The following GALNT13 variants were observed in gnomAD, a reference collection of about 807,000 sequenced individuals.
The protein encoded by GALNT13 is polypeptide N-acetylgalactosaminyltransferase 13.
Under a neutral mutation model 64.2 loss-of-function variants are expected in GALNT13, and 28 were observed. That is an observed-to-expected ratio of 0.44 (90% CI 0.32 to 0.60). The LOEUF is 0.60. Ranked by LOEUF, GALNT13 falls within the 20% of genes least tolerant of loss-of-function variation. GALNT13 has a pLI of 0.05. For missense variants in GALNT13, 577 were observed against 669.8 expected, an observed-to-expected ratio of 0.86 and a Z score of 1.53; for synonymous variants, 214 against 224.6, an observed-to-expected ratio of 0.95 and a Z score of 0.42.
At chr2:154,407,531 G>A (rs990908840) in intron 10 of GALNT13, among the ~76,000 whole-genome samples, 2 of 151,984 alleles carry the variant, frequency 1.3e-5, no homozygotes, top group African/African-American at 4.8e-5. Flanking sequence ...TTGCCTATAG[G>A]TTCAATCCCT....
intron 4 of GALNT13, among the ~76,000 whole-genome samples, chr2:154,143,395 A>T (rs1175749460): frequency 2.6e-5 from 4 of 152,056 alleles, no homozygotes; most frequent in African/African-American, 9.7e-5. Context: ...AGTGGCTATG[A>T]TACTTATATA....
At chr2:153,443,989 C>T in the GALNT13 span, among the ~76,000 whole-genome samples, 130 of 152,200 alleles carry the variant, frequency 8.5e-4, 1 homozygote, top group African/African-American at 2.9e-3. Flanking sequence ...TTCTTGTGCT[C>T]TATAATAATC....
At chr2:154,325,135 A>G (rs1254651746) in intron 9 of GALNT13, among the ~76,000 whole-genome samples, 1 of 151,688 alleles carries the variant, frequency 6.6e-6, no homozygotes, top group East Asian at 1.9e-4. Flanking sequence ...CTCAGTGAGA[A>G]AGTAAAAAAA....
the GALNT13 span, among the ~76,000 whole-genome samples, chr2:153,380,002 C>G: frequency 1.3e-5 from 2 of 151,984 alleles, no homozygotes; most frequent in Admixed American, 1.3e-4. Context: ...CTAGAGGAAG[C>G]AATATTTCAA....
intron 3 of GALNT13, among the ~76,000 whole-genome samples, chr2:154,054,620 C>CTG (rs1699808021): frequency 6.6e-6 from 1 of 151,838 alleles, no homozygotes; most frequent in Admixed American, 6.6e-5. Context: ...TTATATTTTT[C>CTG]TGTGTAAATA....
chr2:154,413,313 C>T (rs1699872805), intron 11 of GALNT13, among the ~76,000 whole-genome samples: 1 of 151,924 alleles, frequency 6.6e-6, no homozygotes. Context: ...CAAATCCCAA[C>T]ACTTCTATGG....
chr2:154,418,571 CCCCAGA>C (rs1700124702), intron 11 of GALNT13, among the ~76,000 whole-genome samples: 1 of 152,128 alleles, frequency 6.6e-6, no homozygotes, highest in South Asian at 2.1e-4. Flanking sequence ...CTAGATTTTC[CCCCAGA>C]CCCTCTGGAG....
chr2:153,472,410 T>C, the GALNT13 span, among the ~76,000 whole-genome samples: 23 of 152,162 alleles, frequency 1.5e-4, no homozygotes, highest in African/African-American at 5.5e-4. Context: ...GTGGGTAGAG[T>C]ATATACCTTC....
chr2:153,971,241 A>G (rs1693717225), intron 3 of GALNT13, among the ~76,000 whole-genome samples: 1 of 152,062 alleles, frequency 6.6e-6, no homozygotes, highest in African/African-American at 2.4e-5. Flanking sequence ...TGGCCACACT[A>G]TTTGAAAAGG....
rs142255175 is a variant in GALNT13 at position 154,079,659 on chromosome 2, C to T, written c.143-60678C>T. 1.2e-4 allele frequency among the ~76,000 whole-genome samples: 18 copies of T among 151,494 alleles called. No individual in the cohort carries two copies. In the East Asian group the frequency reaches 3.5e-3, roughly 30 times the overall value. ...ATGAGTCACCCACATGCATGGTGCC[C>T]TCCTTATGCTCCAGAGATGAGCATG... On this transcript the variant is annotated intron_variant, in intron 3 of 12. Coordinates refer to ENST00000392825, the MANE Select transcript of GALNT13 (RefSeq NM_052917.4).
chr2:153,941,485 A>G (rs16835427), intron 2 of GALNT13, among the ~76,000 whole-genome samples: 38,779 of 152,122 alleles, frequency 0.25, 6,923 homozygotes, highest in East Asian at 0.82. Context: ...TTGGCAAGCC[A>G]GGGATATTGA....
At chr2:153,668,084 C>T in the GALNT13 span, among the ~76,000 whole-genome samples, 4 of 151,902 alleles carry the variant, frequency 2.6e-5, no homozygotes, top group Admixed American at 1.3e-4. Flanking sequence ...ATATATGCAC[C>T]CAACACTGGG....
intron 11 of GALNT13, among the ~76,000 whole-genome samples, chr2:154,435,267 A>G (rs1285362832): frequency 6.6e-6 from 1 of 152,196 alleles, no homozygotes; most frequent in Admixed American, 6.5e-5. Context: ...TAATGAATGA[A>G]TCAATCTTGT....
the GALNT13 span, among the ~76,000 whole-genome samples, chr2:153,222,825 A>G: frequency 6.6e-6 from 1 of 152,310 alleles, no homozygotes; most frequent in South Asian, 2.1e-4. Flanking sequence ...GAGAGAGGCC[A>G]GGGAGCAGAA....
intron 3 of GALNT13, among the ~76,000 whole-genome samples, chr2:154,133,398 C>G (rs933600104): frequency 1.3e-5 from 2 of 151,644 alleles, no homozygotes; most frequent in South Asian, 2.1e-4. Flanking sequence ...AGTGTCCACA[C>G]ATTTTCATTG....
chr2:154,010,523 A>C (rs1696560993), intron 3 of GALNT13, among the ~76,000 whole-genome samples: 1 of 152,134 alleles, frequency 6.6e-6, no homozygotes, highest in Non-Finnish European at 1.5e-5. Flanking sequence ...GTCTATGTTC[A>C]TCAAGGTTAT....
the GALNT13 span, among the ~76,000 whole-genome samples, chr2:153,521,790 G>A: frequency 1.3e-5 from 2 of 152,100 alleles, no homozygotes; most frequent in Admixed American, 6.6e-5. Flanking sequence ...GAATTATATA[G>A]TATGTAGCCT....
chr2:154,116,546 A>G (rs551689033), intron 3 of GALNT13, among the ~76,000 whole-genome samples: 26 of 152,160 alleles, frequency 1.7e-4, no homozygotes, highest in Non-Finnish European at 3.1e-4. Context: ...CTGAACTAGG[A>G]GCAACCAACC....
chr2:153,451,659 C>T, the GALNT13 span, among the ~76,000 whole-genome samples: 3 of 152,164 alleles, frequency 2.0e-5, no homozygotes, highest in African/African-American at 7.2e-5. Flanking sequence ...TTCCAGTGTA[C>T]TGTATGTTTT....
Sources: allele counts gnomAD v4.1 joint callset (sites outside exome capture counted in the v4.1 genomes callset), GRCh38; gene constraint gnomAD v4.1.1; transcripts MANE v1.5; gene names NCBI Gene and HGNC (gene_info 2026-07-23, HGNC 2026-07-21).